Variants in GALNT13 observed in about 807,000 individuals in gnomAD.
GALNT13 encodes the protein UDP-GalNAc:polypeptide N-acetylgalactosaminyltransferase 13.
Under a neutral mutation model 64.2 loss-of-function variants are expected in GALNT13, and 28 were observed. The observed-to-expected ratio is 0.44, with a 90% CI of 0.32 to 0.60. The LOEUF is 0.60. Among genes scored for constraint, GALNT13 ranks in the 20% least tolerant of loss-of-function variants. The pLI, the probability that GALNT13 is intolerant of heterozygous loss-of-function variation, is 0.05. For synonymous variants in GALNT13, 214 were observed against 224.6 expected (o/e 0.95, Z 0.42); for missense variants, 577 against 669.8 (o/e 0.86, Z 1.53).
the GALNT13 span, among the ~76,000 whole-genome samples, chr2:153,843,936 G>A: frequency 3.3e-5 from 5 of 152,330 alleles, no homozygotes; most frequent in African/African-American, 1.2e-4. Flanking sequence ...GCCTTGGGCA[G>A]CTGTGCCCCT....
At chr2:153,188,853 G>C in the GALNT13 span, among the ~76,000 whole-genome samples, 2 of 151,916 alleles carry the variant, frequency 1.3e-5, no homozygotes, top group African/African-American at 4.8e-5. Flanking sequence ...CATAGTATTT[G>C]CATGTATTTG....
chr2:153,898,912 G>T (rs901533835), intron 1 of GALNT13, among the ~76,000 whole-genome samples: 1 of 151,560 alleles, frequency 6.6e-6, no homozygotes, highest in Non-Finnish European at 1.5e-5. Flanking sequence ...CTTGGATCTG[G>T]TGGAAAACAC....
intron 3 of GALNT13, among the ~76,000 whole-genome samples, chr2:154,018,883 G>A (rs1157023787): frequency 6.6e-6 from 1 of 151,586 alleles, no homozygotes; most frequent in African/African-American, 2.4e-5. Flanking sequence ...GGAGAGGAAA[G>A]AGAGGAAGAA....
At chr2:153,118,140 CA>C in the GALNT13 span, among the ~76,000 whole-genome samples, 2 of 148,306 alleles carry the variant, frequency 1.3e-5, no homozygotes, top group African/African-American at 4.9e-5. Context: ...CACACACACA[CA>C]CACACCCCAC....
intron 3 of GALNT13, among the ~76,000 whole-genome samples, chr2:154,046,544 A>G (rs1699298388): frequency 6.6e-6 from 1 of 152,188 alleles, no homozygotes; most frequent in African/African-American, 2.4e-5. Flanking sequence ...TTTAAGCCCC[A>G]TGCCTTGTTC....
At chr2:153,902,068 CTG>C (rs1434743926) in intron 2 of GALNT13, among the ~76,000 whole-genome samples, 1 of 152,172 alleles carries the variant, frequency 6.6e-6, no homozygotes, top group East Asian at 1.9e-4. Flanking sequence ...CTTTTGGACT[CTG>C]GTGATCTTCA....
chr2:153,904,840 G>A (rs924550376), intron 2 of GALNT13, among the ~76,000 whole-genome samples: 3 of 151,490 alleles, frequency 2.0e-5, no homozygotes, highest in African/African-American at 7.3e-5. Flanking sequence ...CTTCATTTTT[G>A]TGAGTGATGT....
At chr2:153,476,646 C>G in the GALNT13 span, among the ~76,000 whole-genome samples, 1 of 152,158 alleles carries the variant, frequency 6.6e-6, no homozygotes, top group Admixed American at 6.5e-5. Context: ...ACATTCAGGA[C>G]CTCGGCTAAC....
At chr2:153,371,001 G>A in the GALNT13 span, 5 of 215,804 alleles carry the variant, frequency 2.3e-5, no homozygotes, top group Non-Finnish European at 4.9e-5. Context: ...GAGAGAAGAA[G>A]ACATTTGTTT....
chr2:153,279,687 C>A, the GALNT13 span, among the ~76,000 whole-genome samples: 1 of 152,096 alleles, frequency 6.6e-6, no homozygotes, highest in Non-Finnish European at 1.5e-5. Flanking sequence ...GTTGAACCAA[C>A]CTTGCTCCCC....
the GALNT13 span, among the ~76,000 whole-genome samples, chr2:153,789,614 G>A: frequency 6.6e-6 from 1 of 151,910 alleles, no homozygotes; most frequent in African/African-American, 2.4e-5. Context: ...GAAGATCAAG[G>A]CACAAAAGTG....
In GALNT13 at chr2:153,956,065, G is replaced by C. The variant is rs531988034; in HGVS notation, c.142+11426G>C. Among the ~76,000 whole-genome samples the C allele has an allele frequency of 4.1e-4, 63 of 152,324 alleles. 1 individual carries two copies. The highest frequency in any genetic ancestry group is 3.8e-3 in the Admixed American group (58 of 15,302). On this transcript the variant is annotated intron_variant, in intron 3 of 12. Coordinates refer to ENST00000392825, the MANE Select transcript of GALNT13 (RefSeq NM_052917.4). Reference sequence around the variant, plus strand: ...AATGGAGTTGGGCAAGCACCTGCCAGCCTCAAAACCCTTCTAAGCAAAAAC... The same window carrying C: ...AATGGAGTTGGGCAAGCACCTGCCACCCTCAAAACCCTTCTAAGCAAAAAC...
chr2:153,494,288 T>C, the GALNT13 span, among the ~76,000 whole-genome samples: 1 of 152,042 alleles, frequency 6.6e-6, no homozygotes, highest in African/African-American at 2.4e-5. Flanking sequence ...TATAAATTTA[T>C]CAGATGACTC....
intron 4 of GALNT13, among the ~76,000 whole-genome samples, chr2:154,169,066 T>A (rs545474452): frequency 2.4e-4 from 37 of 151,932 alleles, no homozygotes; most frequent in African/African-American, 8.7e-4. Context: ...ATAGGCTCCT[T>A]TTAACAACCT....
At chr2:153,096,952 T>G in the GALNT13 span, among the ~76,000 whole-genome samples, 17 of 152,132 alleles carry the variant, frequency 1.1e-4, no homozygotes, top group Admixed American at 2.6e-4. Context: ...CTTCTTTCAT[T>G]TATTCCAGTC....
At chr2:153,771,234 AG>A in the GALNT13 span, among the ~76,000 whole-genome samples, 1 of 152,220 alleles carries the variant, frequency 6.6e-6, no homozygotes, top group Non-Finnish European at 1.5e-5. Flanking sequence ...ATGTGTCTCA[AG>A]GTGGGTGATA....
the GALNT13 span, among the ~76,000 whole-genome samples, chr2:153,082,618 TAC>T: frequency 0.024 from 736 of 30,050 alleles, 19 homozygotes; most frequent in East Asian, 0.064. Context: ...TATATATATA[TAC>T]ACACACACAC....
At chr2:153,698,075 G>T in the GALNT13 span, among the ~76,000 whole-genome samples, 1 of 152,118 alleles carries the variant, frequency 6.6e-6, no homozygotes, top group Non-Finnish European at 1.5e-5. Context: ...GGCCTGCCTT[G>T]CAAGAGCTCC....
the GALNT13 span, among the ~76,000 whole-genome samples, chr2:153,218,981 CAACT>C: frequency 6.6e-6 from 1 of 152,276 alleles, no homozygotes; most frequent in South Asian, 2.1e-4. Context: ...ACATGTTTCA[CAACT>C]AACTACATTA....
Sources: gnomAD v4.1 joint callset for allele counts (sites outside exome capture counted in the v4.1 genomes callset) on GRCh38, gnomAD v4.1.1 for gene constraint, MANE v1.5 for transcripts, NCBI Gene and HGNC (gene_info 2026-07-23, HGNC 2026-07-21) for gene names.